Variants in AGBL4 observed in about 807,000 individuals in gnomAD.
The protein encoded by AGBL4 is AGBL carboxypeptidase 4.
Under a neutral mutation model 66.4 loss-of-function variants are expected in AGBL4, and 58 were observed. The observed-to-expected ratio is 0.87, with a 90% CI of 0.71 to 1.09. The LOEUF is 1.09. Among genes scored for constraint, AGBL4 ranks in the 50% least tolerant of loss-of-function variants. The pLI, the probability that AGBL4 is intolerant of heterozygous loss-of-function variation, is 0.00. For synonymous variants in AGBL4, 234 were observed against 222.9 expected (o/e 1.05, Z -0.44); for missense variants, 579 against 631.0 (o/e 0.92, Z 0.88).
chr1:49,760,332 G>A (rs1019416144), intron 2 of AGBL4, among the ~76,000 whole-genome samples: 1 of 152,102 alleles, frequency 6.6e-6, no homozygotes, highest in Non-Finnish European at 1.5e-5. Flanking sequence ...GGCATTTGTT[G>A]TAATTGCTCT....
intron 9 of AGBL4, among the ~76,000 whole-genome samples, chr1:48,610,023 G>T (rs1456365776): frequency 1.3e-5 from 2 of 152,184 alleles, no homozygotes; most frequent in Non-Finnish European, 2.9e-5. Context: ...ATCATTTGGG[G>T]CAAGCATTCA....
chr1:48,840,339 T>G (rs1418112946), intron 6 of AGBL4, among the ~76,000 whole-genome samples: 1 of 152,130 alleles, frequency 6.6e-6, no homozygotes, highest in African/African-American at 2.4e-5. Context: ...AATGCGTACC[T>G]GCTTATTGAG....
intron 3 of AGBL4, among the ~76,000 whole-genome samples, chr1:49,380,799 C>T (rs369745179): frequency 6.6e-5 from 10 of 150,420 alleles, no homozygotes; most frequent in Non-Finnish European, 1.3e-4. Flanking sequence ...CATATGTAGA[C>T]AGCTGAAACT....
At chr1:48,776,775 C>A (rs1267856882) in intron 6 of AGBL4, 1 of 1,524,338 alleles carries the variant, frequency 6.6e-7, no homozygotes. Flanking sequence ...CGCGCACGCA[C>A]GACACGGGCA....
chr1:49,166,613 A>G (rs1406161857), intron 4 of AGBL4, among the ~76,000 whole-genome samples: 2 of 152,306 alleles, frequency 1.3e-5, no homozygotes, highest in Non-Finnish European at 2.9e-5. Context: ...TTAAGCTCCC[A>G]AAGTATTAAA....
chr1:49,711,583 A>G (rs1265043779), intron 2 of AGBL4, among the ~76,000 whole-genome samples: 1 of 152,048 alleles, frequency 6.6e-6, no homozygotes, highest in Non-Finnish European at 1.5e-5. Context: ...AGGGGGATAT[A>G]TTATGAAGGA....
chr1:48,927,174 G>A (rs751265163), intron 5 of AGBL4, among the ~76,000 whole-genome samples: 1 of 152,108 alleles, frequency 6.6e-6, no homozygotes, highest in African/African-American at 2.4e-5. Context: ...TTCTCATACT[G>A]CTAAAAAAGA....
At chr1:49,989,719 T>G (rs910513605) in intron 1 of AGBL4, among the ~76,000 whole-genome samples, 1 of 152,204 alleles carries the variant, frequency 6.6e-6, no homozygotes, top group African/African-American at 2.4e-5. Context: ...TATGTCTGTG[T>G]ATTTGCTTTA....
intron 3 of AGBL4, among the ~76,000 whole-genome samples, chr1:49,392,451 G>C (rs1466020516): frequency 6.6e-6 from 1 of 152,134 alleles, no homozygotes; most frequent in Non-Finnish European, 1.5e-5. Context: ...TCAATGAATT[G>C]GTCAATGTGT....
intron 4 of AGBL4, among the ~76,000 whole-genome samples, chr1:49,227,691 T>C (rs1241983383): frequency 6.6e-6 from 1 of 152,246 alleles, no homozygotes; most frequent in African/African-American, 2.4e-5. Flanking sequence ...ATCAGTTGTA[T>C]GATTTATGTA....
chr1:49,464,586 G>A lies in AGBL4; in HGVS notation c.283-218722C>T, dbSNP rs144789490. Among the ~76,000 whole-genome samples, 204 of 151,856 alleles carry A rather than the reference G, an allele frequency of 1.3e-3. 1 individual carries two copies. The highest frequency in any genetic ancestry group is 4.7e-3 in the African/African-American group (194 of 41,506). On this transcript the variant is annotated intron_variant, in intron 3 of 13. Coordinates refer to ENST00000371839, the MANE Select transcript of AGBL4 (RefSeq NM_032785.4). ...CAAAGGCGACTTTAACATTGCATTA[G>A]TGTGTTCTTTTGTTTTTAGATCAGA...
At chr1:48,603,191 G>A (rs893664165) in intron 9 of AGBL4, among the ~76,000 whole-genome samples, 5 of 152,216 alleles carry the variant, frequency 3.3e-5, no homozygotes, top group African/African-American at 1.2e-4. Context: ...ATACATTGGG[G>A]CCCAGCGCAG....
At chr1:49,838,299 G>A (rs1010270244) in intron 2 of AGBL4, among the ~76,000 whole-genome samples, 2 of 152,192 alleles carry the variant, frequency 1.3e-5, no homozygotes, top group African/African-American at 4.8e-5. Context: ...TGTAGCCACT[G>A]CTGGAGATGC....
intron 1 of AGBL4, among the ~76,000 whole-genome samples, chr1:49,991,834 A>G (rs1328619325): frequency 6.6e-6 from 1 of 152,098 alleles, no homozygotes; most frequent in Non-Finnish European, 1.5e-5. Context: ...AGGGCTTTGG[A>G]GTCAACTAGA....
intron 1 of AGBL4, among the ~76,000 whole-genome samples, chr1:50,018,236 A>G (rs1557663708): frequency 6.6e-6 from 1 of 152,174 alleles, no homozygotes; most frequent in Non-Finnish European, 1.5e-5. Context: ...TAGAGACTCA[A>G]AAGTATACAC....
chr1:48,583,175 C>T (rs1254839256), intron 11 of AGBL4, among the ~76,000 whole-genome samples: 4 of 152,234 alleles, frequency 2.6e-5, no homozygotes, highest in African/African-American at 9.6e-5. Context: ...GATGACCCCA[C>T]CAATGCTCTT....
intron 6 of AGBL4, among the ~76,000 whole-genome samples, chr1:48,704,725 T>C (rs1646855162): frequency 6.6e-6 from 1 of 152,176 alleles, no homozygotes; most frequent in Non-Finnish European, 1.5e-5. Flanking sequence ...GGAGCTGTCA[T>C]TTCCTATGAT....
At chr1:49,052,514 G>A (rs1185275854) in intron 4 of AGBL4, among the ~76,000 whole-genome samples, 1 of 152,182 alleles carries the variant, frequency 6.6e-6, no homozygotes, top group Non-Finnish European at 1.5e-5. Context: ...TCTTAGGGTT[G>A]TTGTGAAACT....
Position 49,495,463 on chromosome 1 carries a change from G to A in AGBL4, c.282+201850C>T, listed in dbSNP as rs1407867074. Among the ~76,000 whole-genome samples, 2 of 151,776 alleles carry A rather than the reference G, an allele frequency of 1.3e-5. 1 individual carries two copies. The highest frequency in any genetic ancestry group is 2.9e-5 in the Non-Finnish European group (2 of 67,956). ...ATGGCCCAGGGAATCCAAAAGATTA[G>A]ACAGCCCTGTCTTAAAGCATGAATG... is the stretch of plus-strand genomic sequence containing the variant. On this transcript the variant is annotated intron_variant, in intron 3 of 13. Coordinates refer to ENST00000371839, the MANE Select transcript of AGBL4 (RefSeq NM_032785.4).
Sources: allele counts gnomAD v4.1 joint callset (sites outside exome capture counted in the v4.1 genomes callset), GRCh38; gene constraint gnomAD v4.1.1; transcripts MANE v1.5; gene names NCBI Gene and HGNC (gene_info 2026-07-23, HGNC 2026-07-21).